Variants in ORC1 observed in about 807,000 individuals in gnomAD.
ORC1 encodes the protein origin recognition complex, subunit 1 homolog.
Under a neutral mutation model 98.9 loss-of-function variants are expected in ORC1, and 61 were observed. That is an observed-to-expected ratio of 0.62 (90% CI 0.50 to 0.76). ORC1 has a LOEUF of 0.76. Among genes scored for constraint, ORC1 ranks in the 30% least tolerant of loss-of-function variants. The pLI is 0.00. For missense variants in ORC1, 979 were observed against 1,072.2 expected, an observed-to-expected ratio of 0.91 and a Z score of 1.21; for synonymous variants, 385 against 406.9, an observed-to-expected ratio of 0.95 and a Z score of 0.65.
At position 52,393,794 on chromosome 1, in the gene ORC1, T is replaced by C. The variant is rs1170886829; in HGVS notation, c.731A>G (p.Asn244Ser). The stretch of plus-strand genomic sequence containing the variant: ...TGAAGTCTGCTGGGACATCTGAGGG[T>C]TACCTAAGTCTAAGAGAAATCATCA... ...RKRLELGNLG[N>S]PQMSQQTSCA... is the part of the protein sequence containing the mutation. The change falls in exon 6 of 17, where the codon AAC becomes AGC. Residue 244 changes from asparagine (N) to serine (S), a missense_variant. Transcript: ENST00000371568. The C allele has an allele frequency of 3.1e-6, 5 of 1,612,934 alleles. No homozygotes were observed. The highest frequency in any genetic ancestry group is 4.2e-6 in the Non-Finnish European group (5 of 1,179,998).
At position 52,373,110 on chromosome 1, in the gene ORC1, C is replaced by T. The variant is rs1193824487; in HGVS notation, c.*71G>A. On this transcript the variant is annotated 3_prime_UTR_variant, in exon 17 of 17. Coordinates refer to ENST00000371568, the MANE Select transcript of ORC1 (RefSeq NM_004153.4). Reference sequence around the variant, plus strand: ...TCGTGCCACTGCACTCCAGCCTGGGCGACAGAGCAAGACCCTGTCTCAAAA... The same window carrying T: ...TCGTGCCACTGCACTCCAGCCTGGGTGACAGAGCAAGACCCTGTCTCAAAA... 8.7e-6 allele frequency: 13 copies of T among 1,489,774 alleles called. No individual in the cohort carries two copies. In the African/African-American group the frequency reaches 1.2e-4, roughly 14 times the overall value. The allele number at this position is 1,489,774 out of a possible 1,614,324, so 92.3% of individuals were successfully genotyped here. A position where few individuals can be genotyped will look rare whatever the true frequency, so the allele number is the denominator to read the frequency against.
At chr1:52,405,866 TAAGAG>T (rs1042721859), upstream of ORC1, 1 of 1,603,774 alleles carries the variant, frequency 6.2e-7, no homozygotes, top group Non-Finnish European at 8.5e-7. Context: ...CTAGCTAATA[TAAGAG>T]GTTTAATTTT....
chr1:52,387,489 ACT>A (rs1249882771), intron 8 of ORC1, among the ~76,000 whole-genome samples: 1 of 151,970 alleles, frequency 6.6e-6, no homozygotes, highest in Non-Finnish European at 1.5e-5. Context: ...ATAGAGTCTC[ACT>A]CTGTCGCCCA....
upstream of ORC1, among the ~76,000 whole-genome samples, chr1:52,406,676 G>A (rs1212712231): frequency 1.3e-5 from 2 of 152,162 alleles, no homozygotes; most frequent in Non-Finnish European, 2.9e-5. Context: ...GCTTATTACC[G>A]TATTACCGAT....
At chr1:52,392,612 A>G (rs1647243922) in intron 6 of ORC1, among the ~76,000 whole-genome samples, 1 of 152,242 alleles carries the variant, frequency 6.6e-6, no homozygotes, top group Non-Finnish European at 1.5e-5. Context: ...ATGCACACGC[A>G]TGTTTATAGC....
intron 3 of ORC1, among the ~76,000 whole-genome samples, chr1:52,398,730 C>T (rs1447656268): frequency 3.9e-5 from 6 of 152,000 alleles, no homozygotes; most frequent in Non-Finnish European, 7.3e-5. Context: ...TACAGGCGCC[C>T]GCCATCACGC....
intron 14 of ORC1, among the ~76,000 whole-genome samples, chr1:52,377,240 A>AT (rs900826418): frequency 6.6e-6 from 1 of 151,708 alleles, no homozygotes; most frequent in African/African-American, 2.4e-5. Flanking sequence ...AAGTGCTGGG[A>AT]TTACAGGTGT....
upstream of ORC1, chr1:52,404,671 A>G (rs938024848): frequency 6.7e-6 from 10 of 1,500,972 alleles, no homozygotes; most frequent in South Asian, 1.3e-5. Flanking sequence ...ACCTTTCTCC[A>G]TTCCTCTAGG....
intron 16 of ORC1, 21 bp downstream of exon 16, chr1:52,374,789 T>C: frequency 1.3e-6 from 2 of 1,557,762 alleles, no homozygotes; most frequent in Non-Finnish European, 1.8e-6. Context: ...CTAGAAGGAT[T>C]TGAAAAGAGG....
At chr1:52,405,599 A>G (rs960153266), upstream of ORC1, 1 of 1,338,842 alleles carries the variant, frequency 7.5e-7, no homozygotes, top group African/African-American at 1.5e-5. Flanking sequence ...TATATTTAGG[A>G]GAACCAAAGC....
At chr1:52,395,086 A>C (rs1237560703) in intron 5 of ORC1, among the ~76,000 whole-genome samples, 1 of 152,202 alleles carries the variant, frequency 6.6e-6, no homozygotes, top group African/African-American at 2.4e-5. Context: ...AGTAACTTAT[A>C]CTTGAAGTTG....
At chr1:52,374,647 A>G (rs1043523137) in intron 16 of ORC1, among the ~76,000 whole-genome samples, 163 bp downstream of exon 16, 6 of 152,214 alleles carry the variant, frequency 3.9e-5, no homozygotes, top group Admixed American at 3.9e-4. Context: ...GTCTCTTCTC[A>G]TGCAGCTCTA....
intron 6 of ORC1, 93 bp from the exon 7 acceptor site, chr1:52,389,414 C>A: frequency 1.2e-6 from 1 of 858,378 alleles, no homozygotes; most frequent in Non-Finnish European, 2.0e-6. Flanking sequence ...CTGATTGGCT[C>A]CCAGTCTTTT....
chr1:52,392,731 A>C lies in ORC1; in HGVS notation c.1082+712T>G, dbSNP rs946391294. Among the ~76,000 whole-genome samples, 24 of 152,256 alleles carry C rather than the reference A, an allele frequency of 1.6e-4. 1 individual carries two copies. Among genetic ancestry groups the C allele is most frequent in the Non-Finnish European group, 5.9e-5 (4 of 68,044 alleles). On this transcript the variant is annotated intron_variant, in intron 6 of 16. Transcript: ENST00000371568. ...TTACCATGGAATACTACTCAGCCAT[A>C]AAACAATGAAATAATGGCACTTCCA...
chr1:52,402,106 A>G, intron 2 of ORC1, 23 bp downstream of exon 2: 1 of 1,568,686 alleles, frequency 6.4e-7, no homozygotes, highest in South Asian at 1.1e-5. Flanking sequence ...TTTCCAGGAC[A>G]ACCAAAGGAC....
chr1:52,405,931 C>A, upstream of ORC1: 3 of 1,052,894 alleles, frequency 2.8e-6, no homozygotes, highest in Non-Finnish European at 4.3e-6. Context: ...CAATGTATCT[C>A]ATTTCTAGAG....
chr1:52,406,239 C>G (rs766890883), upstream of ORC1, among the ~76,000 whole-genome samples: 23 of 152,034 alleles, frequency 1.5e-4, no homozygotes, highest in East Asian at 3.9e-4. Flanking sequence ...TCCCCTCCCC[C>G]CCCGGGCCTC....
At position 52,393,436 on chromosome 1, in the gene ORC1, T is replaced by TGTG. The variant is rs1557580970; in HGVS notation, c.1082+6_1082+7insCAC. On this transcript the variant is annotated splice_region_variant and intron_variant, in intron 6 of 16. Transcript: ENST00000371568. Reference sequence around the variant, plus strand: ...CAATTTGCTCTGTGGGTAATGTCCCTGGTCACCTCTTTTTGATGTTTTCTG... The same window carrying TGTG: ...CAATTTGCTCTGTGGGTAATGTCCCTGTGGGTCACCTCTTTTTGATGTTTTCTG... The TGTG allele has an allele frequency of 6.2e-7, 1 of 1,614,162 alleles. No individual in the cohort carries two copies. The highest frequency in any genetic ancestry group is 1.1e-5 in the South Asian group (1 of 91,082).
chr1:52,386,350 G>T (rs1056139322), intron 8 of ORC1, among the ~76,000 whole-genome samples: 24 of 152,150 alleles, frequency 1.6e-4, no homozygotes, highest in African/African-American at 4.3e-4. Flanking sequence ...ATCTTTCCCT[G>T]GGCTTATTTG....
Sources: gnomAD v4.1 joint callset for allele counts (sites outside exome capture counted in the v4.1 genomes callset) on GRCh38, gnomAD v4.1.1 for gene constraint, MANE v1.5 for transcripts, NCBI Gene and HGNC (gene_info 2026-07-23, HGNC 2026-07-21) for gene names.